CCDC178: variants seen among roughly 807,000 people sequenced by gnomAD.
The protein encoded by CCDC178 is coiled-coil domain containing 178, also known as coiled-coil domain-containing protein 178.
Under a neutral mutation model 117.4 loss-of-function variants are expected in CCDC178, and 126 were observed. The observed-to-expected ratio is 1.07, with a 90% confidence interval of 0.93 to 1.24. CCDC178 has a LOEUF of 1.24. Among genes scored for constraint, CCDC178 ranks in the 50% most tolerant of loss-of-function variants. CCDC178 has a pLI of 0.00. For missense variants in CCDC178, 1,030 were observed against 986.9 expected (o/e 1.04, Z -0.59); for synonymous variants, 283 against 313.4 (o/e 0.90, Z 1.02).
intron 20 of CCDC178, among the ~76,000 whole-genome samples, chr18:33,113,924 A>G (rs573321563): frequency 1.9e-4 from 29 of 152,206 alleles, no homozygotes; most frequent in Admixed American, 3.9e-4. Context: ...GTCAGGTAGA[A>G]CATGAGTAAT....
intron 20 of CCDC178, among the ~76,000 whole-genome samples, chr18:33,206,518 T>A (rs903366510): frequency 6.6e-6 from 1 of 152,034 alleles, no homozygotes; most frequent in African/African-American, 2.4e-5. Context: ...AAAAGAAGTA[T>A]GACTACATAA....
intron 12 of CCDC178, among the ~76,000 whole-genome samples, chr18:33,291,072 T>C (rs1178332880): frequency 6.6e-6 from 1 of 152,070 alleles, no homozygotes; most frequent in Non-Finnish European, 1.5e-5. Flanking sequence ...ATTTTGAACA[T>C]TCTAAACATA....
intron 12 of CCDC178, among the ~76,000 whole-genome samples, chr18:33,281,368 C>T (rs1261109930): frequency 2.0e-5 from 3 of 151,262 alleles, no homozygotes; most frequent in East Asian, 1.9e-4. Context: ...TAATTTAAAT[C>T]GTAAATTATA....
intron 3 of CCDC178, among the ~76,000 whole-genome samples, chr18:33,406,142 C>G (rs72942644): frequency 2.0e-5 from 3 of 151,732 alleles, no homozygotes; most frequent in African/African-American, 7.2e-5. Flanking sequence ...AAATAATGTA[C>G]AAAATACATA....
chr18:33,376,107 C>T (rs2063361961), intron 5 of CCDC178, among the ~76,000 whole-genome samples: 1 of 152,190 alleles, frequency 6.6e-6, no homozygotes, highest in African/African-American at 2.4e-5. Context: ...CATTACTTCT[C>T]CCCACTCCTG....
intron 2 of CCDC178, among the ~76,000 whole-genome samples, chr18:33,418,382 T>G (rs1439864200): frequency 6.6e-6 from 1 of 152,072 alleles, no homozygotes; most frequent in Non-Finnish European, 1.5e-5. Context: ...ACAGCCATCA[T>G]CATACTGAAC....
intron 20 of CCDC178, among the ~76,000 whole-genome samples, chr18:33,163,109 T>G (rs1286352147): frequency 6.6e-6 from 1 of 152,166 alleles, no homozygotes; most frequent in East Asian, 1.9e-4. Context: ...TTTTTGACTT[T>G]TTAATAATTG....
chr18:33,119,489 C>T (rs1369860310), intron 20 of CCDC178, among the ~76,000 whole-genome samples: 1 of 152,110 alleles, frequency 6.6e-6, no homozygotes, highest in African/African-American at 2.4e-5. Context: ...AGTGAGATAC[C>T]ATCTCACGTC....
At chr18:33,265,628 C>G (rs1324675425) in intron 14 of CCDC178, among the ~76,000 whole-genome samples, 1 of 151,866 alleles carries the variant, frequency 6.6e-6, no homozygotes, top group African/African-American at 2.4e-5. Flanking sequence ...TAAGGGTGAA[C>G]TGGGAAGAAT....
chr18:33,299,545 T>C (rs1425396853), intron 11 of CCDC178, among the ~76,000 whole-genome samples: 2 of 142,080 alleles, frequency 1.4e-5, no homozygotes, highest in Non-Finnish European at 3.1e-5. Flanking sequence ...TCAGAGGAAA[T>C]GGTTCAACAC....
intron 10 of CCDC178, 83 bp downstream of exon 10, chr18:33,333,091 A>T: frequency 1.4e-6 from 1 of 733,972 alleles, no homozygotes; most frequent in Non-Finnish European, 2.2e-6. Context: ...AAACCTTTAA[A>T]GCTGTGTTAA....
chr18:33,143,761 T>C (rs1188573968), intron 20 of CCDC178, among the ~76,000 whole-genome samples: 3 of 152,142 alleles, frequency 2.0e-5, no homozygotes, highest in African/African-American at 7.2e-5. Context: ...TATTTGTTCA[T>C]AAACCTTTAT....
intron 21 of CCDC178, among the ~76,000 whole-genome samples, chr18:33,006,099 T>A (rs1273526787): frequency 6.6e-6 from 1 of 152,118 alleles, no homozygotes; most frequent in Non-Finnish European, 1.5e-5. Context: ...TTGACTGTAT[T>A]AACATCATAT....
At chr18:33,254,251 AACACACACACACACACACAC>A (rs34689445) in intron 14 of CCDC178, among the ~76,000 whole-genome samples, 4 of 135,382 alleles carry the variant, frequency 3.0e-5, no homozygotes, top group African/African-American at 8.2e-5. Flanking sequence ...TCTATTGAGA[AACACACACACACACACACAC>A]ACACACACAC....
chr18:33,373,521 T>G (rs1243445169), intron 5 of CCDC178, among the ~76,000 whole-genome samples: 2 of 152,176 alleles, frequency 1.3e-5, no homozygotes, highest in Non-Finnish European at 2.9e-5. Flanking sequence ...TCATCTGATC[T>G]CTTCTTCAAA....
intron 20 of CCDC178, among the ~76,000 whole-genome samples, chr18:33,179,750 C>T (rs1382533031): frequency 6.6e-6 from 1 of 151,986 alleles, no homozygotes; most frequent in Non-Finnish European, 1.5e-5. Flanking sequence ...TCATTCACCT[C>T]TGATGAGCCA....
intron 3 of CCDC178, among the ~76,000 whole-genome samples, chr18:33,398,460 G>A (rs2063668968): frequency 6.6e-6 from 1 of 152,084 alleles, no homozygotes; most frequent in South Asian, 2.1e-4. Flanking sequence ...CATATGAAAT[G>A]CAAAAACAGA....
chr18:32,961,983 G>GT (rs1382885308), intron 22 of CCDC178, among the ~76,000 whole-genome samples: 1 of 121,410 alleles, frequency 8.2e-6, no homozygotes, highest in East Asian at 2.6e-4. Flanking sequence ...TTTTATTTCT[G>GT]TTTTTTCTTT....
At chr18:33,260,245 T>C (rs1056024901) in intron 14 of CCDC178, among the ~76,000 whole-genome samples, 1 of 152,046 alleles carries the variant, frequency 6.6e-6, no homozygotes, top group Admixed American at 6.6e-5. Context: ...TTCATGTTGT[T>C]GTGTGTAGCT....
Sources: gnomAD v4.1 joint callset for allele counts (sites outside exome capture counted in the v4.1 genomes callset) on GRCh38, gnomAD v4.1.1 for gene constraint, MANE v1.5 for transcripts, NCBI Gene and HGNC (gene_info 2026-07-23, HGNC 2026-07-21) for gene names.